Variants in GALNT10 observed in about 807,000 individuals in gnomAD.
GALNT10 encodes the protein GalNAc transferase 10.
A neutral mutation model predicts 75.0 loss-of-function variants in GALNT10; 41 were observed. That is an observed-to-expected ratio of 0.55 (90% CI 0.43 to 0.71). The LOEUF is 0.71. Among genes scored for constraint, GALNT10 ranks in the 30% least tolerant of loss-of-function variants. The probability of loss-of-function intolerance (pLI) is 0.00; values close to 1 mark genes in which losing one functional copy is unlikely to be tolerated. For synonymous variants in GALNT10, 302 were observed against 313.0 expected (o/e 0.96, Z 0.37); for missense variants, 727 against 818.5 (o/e 0.89, Z 1.36).
At chr5:154,285,902 C>A (rs1443731476) in intron 1 of GALNT10, among the ~76,000 whole-genome samples, 2 of 152,214 alleles carry the variant, frequency 1.3e-5, no homozygotes, top group Non-Finnish European at 2.9e-5. Context: ...ACTGCTCTTC[C>A]AGGCCCTCCT....
intron 1 of GALNT10, among the ~76,000 whole-genome samples, chr5:154,225,075 C>T (rs1488416269): frequency 6.6e-6 from 1 of 151,750 alleles, no homozygotes; most frequent in African/African-American, 2.4e-5. Flanking sequence ...AGCCACCACA[C>T]CTGGCCTTTT....
intron 7 of GALNT10, among the ~76,000 whole-genome samples, chr5:154,389,810 C>G (rs1224965710): frequency 6.6e-6 from 1 of 151,732 alleles, no homozygotes; most frequent in African/African-American, 2.4e-5. Context: ...CATATTTTTT[C>G]CAGTCTACAA....
At chr5:154,313,183 C>T (rs1754547292) in intron 3 of GALNT10, among the ~76,000 whole-genome samples, 1 of 151,778 alleles carries the variant, frequency 6.6e-6, no homozygotes, top group African/African-American at 2.4e-5. Flanking sequence ...ATGGTGAGTG[C>T]CTCATAGTCC....
chr5:154,288,591 C>A (rs1307346336), intron 1 of GALNT10, among the ~76,000 whole-genome samples: 1 of 114,416 alleles, frequency 8.7e-6, no homozygotes, highest in East Asian at 2.3e-4. Context: ...CCTCCACACA[C>A]TCTCCCTCAC....
intron 4 of GALNT10, among the ~76,000 whole-genome samples, chr5:154,374,866 T>C (rs60786352): frequency 0.022 from 3,323 of 152,328 alleles, 115 homozygotes; most frequent in African/African-American, 0.076. Flanking sequence ...GAGTATCTGG[T>C]AGAAATCTAA....
rs556118087 is a variant in GALNT10, at chr5:154,218,671, GGC to G, written c.159+27647_159+27648del. Among the ~76,000 whole-genome samples the G allele has an allele frequency of 1.1e-3, 162 of 152,174 alleles. 1 individual carries two copies. In the South Asian group the frequency reaches 0.014, roughly 13 times the overall value. On this transcript the variant is annotated intron_variant, in intron 1 of 11. Transcript: ENST00000297107. ...TTTTGTTAATACGTTAAAACCACCT[GGC>G]AGCTTCCATTTTCCTTTCTGAGTCT...
At chr5:154,371,423 A>G (rs1364377952) in intron 4 of GALNT10, among the ~76,000 whole-genome samples, 1 of 152,130 alleles carries the variant, frequency 6.6e-6, no homozygotes, top group African/African-American at 2.4e-5. Flanking sequence ...CTTATGCCAC[A>G]GTCCACCCGG....
intron 4 of GALNT10, among the ~76,000 whole-genome samples, chr5:154,375,674 C>T (rs1755643257): frequency 6.6e-6 from 1 of 152,226 alleles, no homozygotes; most frequent in Admixed American, 6.5e-5. Context: ...CACCTCTCAT[C>T]ACCTCATTTC....
At chr5:154,304,676 T>C (rs766668666) in intron 3 of GALNT10, among the ~76,000 whole-genome samples, 1 of 152,214 alleles carries the variant, frequency 6.6e-6, no homozygotes. Flanking sequence ...ATTTGTCTTA[T>C]TGTTTAAATC....
chr5:154,310,313 T>C (rs1389790806), intron 3 of GALNT10, among the ~76,000 whole-genome samples: 1 of 152,144 alleles, frequency 6.6e-6, no homozygotes, highest in Admixed American at 6.5e-5. Flanking sequence ...CAATGCAGCC[T>C]CCCTGTTTTG....
chr5:154,261,948 A>G (rs938425224), intron 1 of GALNT10, among the ~76,000 whole-genome samples: 1 of 152,164 alleles, frequency 6.6e-6, no homozygotes, highest in African/African-American at 2.4e-5. Context: ...GATAACATCT[A>G]TCTGCCCTAT....
intron 3 of GALNT10, among the ~76,000 whole-genome samples, chr5:154,326,666 T>C (rs1754760992): frequency 6.6e-6 from 1 of 152,120 alleles, no homozygotes; most frequent in Non-Finnish European, 1.5e-5. Context: ...TATGAATCCA[T>C]TTATATAAAA....
intron 3 of GALNT10, among the ~76,000 whole-genome samples, chr5:154,327,683 C>T (rs1036347932): frequency 2.0e-5 from 3 of 152,174 alleles, no homozygotes; most frequent in African/African-American, 4.8e-5. Context: ...CCCTGCCTTT[C>T]CTATACTTTG....
intron 4 of GALNT10, 93 bp downstream of exon 4, chr5:154,329,831 A>G (rs895455861): frequency 3.7e-6 from 3 of 820,188 alleles, no homozygotes; most frequent in Non-Finnish European, 6.0e-6. Flanking sequence ...AGCAGCATCA[A>G]CATATAGGCC....
rs1755654256 is a variant in GALNT10, at chr5:154,376,555, C to T, written c.754+93C>T. ...CTGCAGGGAGCCATCCATAAGCCTT[C>T]CCTTGCCTGTTCGAGATGCCCCCAG... is the stretch of plus-strand genomic sequence containing the variant. On this transcript the variant is annotated intron_variant, in intron 5 of 11. Coordinates refer to ENST00000297107, the MANE Select transcript of GALNT10 (RefSeq NM_198321.4). This position sits in a 1 kb window ranked among gnomAD's most constrained non-coding sequence, Gnocchi z 4.1. The T allele has an allele frequency of 2.3e-6, 2 of 870,656 alleles. No homozygotes were observed. Among genetic ancestry groups the T allele is most frequent in the East Asian group, 2.6e-5 (1 of 37,884 alleles). The allele number at this position is 870,656 out of a possible 1,614,324, so 53.9% of individuals were successfully genotyped here. A position where few individuals can be genotyped will look rare whatever the true frequency, so the allele number is the denominator to read the frequency against.
rs6886565 is a variant in GALNT10 at position 154,207,578 on chromosome 5, C to T, written c.159+16553C>T. Among the ~76,000 whole-genome samples the T allele has an allele frequency of 1.3e-3, 192 of 152,218 alleles. 1 individual carries two copies. The highest frequency in any genetic ancestry group is 3.7e-3 in the African/African-American group (154 of 41,524). On this transcript the variant is annotated intron_variant, in intron 1 of 11. Transcript: ENST00000297107. ...GAGCACATAGGAGAGCCAGTGGACC[C>T]GGACGGGCAGGGCGGGTAAGCAGAA... is the stretch of plus-strand genomic sequence containing the variant.
At chr5:154,391,225 A>C (rs1004615867) in intron 7 of GALNT10, among the ~76,000 whole-genome samples, 1 of 152,222 alleles carries the variant, frequency 6.6e-6, no homozygotes, top group Non-Finnish European at 1.5e-5. Context: ...GCATTTACGA[A>C]GGACCGAATT....
chr5:154,326,952 A>T (rs1042618041), intron 3 of GALNT10, among the ~76,000 whole-genome samples: 3 of 152,250 alleles, frequency 2.0e-5, no homozygotes, highest in Non-Finnish European at 4.4e-5. Context: ...AAAACTCAGT[A>T]ATTCTATATG....
intron 1 of GALNT10, among the ~76,000 whole-genome samples, chr5:154,192,486 C>A (rs1774872808): frequency 6.6e-6 from 1 of 152,240 alleles, no homozygotes; most frequent in Non-Finnish European, 1.5e-5. Context: ...GCATCAGAGT[C>A]AGGAGTTCCA....
Sources: allele counts gnomAD v4.1 joint callset (sites outside exome capture counted in the v4.1 genomes callset), GRCh38; gene constraint gnomAD v4.1.1; non-coding constraint Gnocchi (gnomAD v3.1); transcripts MANE v1.5; gene names NCBI Gene and HGNC (gene_info 2026-07-23, HGNC 2026-07-21).